RGSL1: variants seen among roughly 807,000 people sequenced by gnomAD.
RGSL1 encodes regulator of G protein signaling protein-like.
In RGSL1, 97 loss-of-function variants were observed where a neutral mutation model predicts 124.7. The ratio of observed to expected loss-of-function variants is 0.78; its 90% CI spans 0.66 to 0.92. The LOEUF is 0.92. Among genes scored for constraint, RGSL1 ranks in the 40% least tolerant of loss-of-function variants. RGSL1 has a pLI of 0.00. For missense variants in RGSL1, 1,233 were observed against 1,288.4 expected (o/e 0.96, Z 0.66); for synonymous variants, 424 against 438.1 (o/e 0.97, Z 0.40).
At chr1:182,518,465 T>G (rs2102225901) in intron 9 of RGSL1, among the ~76,000 whole-genome samples, 1 of 152,238 alleles carries the variant, frequency 6.6e-6, no homozygotes, top group Non-Finnish European at 1.5e-5. Context: ...ATCACTCTGA[T>G]TTGACGTCTC....
intron 21 of RGSL1, among the ~76,000 whole-genome samples, chr1:182,557,827 T>C (rs1660949853): frequency 6.6e-6 from 1 of 152,224 alleles, no homozygotes; most frequent in African/African-American, 2.4e-5. Flanking sequence ...CATGCTCCCT[T>C]CAAAGATCCC....
At chr1:182,452,456 CT>C (rs1210477540) in intron 1 of RGSL1, among the ~76,000 whole-genome samples, 328 of 142,040 alleles carry the variant, frequency 2.3e-3, no homozygotes, top group South Asian at 2.7e-3. Flanking sequence ...TCTGGGTTTC[CT>C]TTTTTTTTTT....
chr1:182,448,409 A>G (rs899265471), upstream of RGSL1: 1 of 152,130 alleles, frequency 6.6e-6, no homozygotes, highest in African/African-American at 2.4e-5. Flanking sequence ...TTTTTAGTAG[A>G]GAAGGGGTTT....
intron 4 of RGSL1, among the ~76,000 whole-genome samples, chr1:182,470,432 T>A (rs916980503): frequency 3.9e-5 from 6 of 152,086 alleles, no homozygotes; most frequent in Non-Finnish European, 8.8e-5. Flanking sequence ...TCCTCAAACA[T>A]GCTGGACACA....
At chr1:182,524,056 A>G (rs1397904622) in intron 10 of RGSL1, among the ~76,000 whole-genome samples, 1 of 152,234 alleles carries the variant, frequency 6.6e-6, no homozygotes. Context: ...CATAATATTC[A>G]AAGACTTAAA....
intron 1 of RGSL1, among the ~76,000 whole-genome samples, chr1:182,450,787 T>C (rs1302439194): frequency 6.6e-6 from 1 of 152,168 alleles, no homozygotes; most frequent in South Asian, 2.1e-4. Context: ...ATGGGCTCAG[T>C]AATATACTCA....
In RGSL1 at chr1:182,473,987, G is replaced by A; in HGVS notation, c.876G>A (p.Met292Ile). Residue 292 changes from methionine to isoleucine, a missense_variant, in exon 6 of 22, where the codon ATG becomes ATA. By Grantham distance (10) the Met-to-Ile change is conservative. Coordinates refer to ENST00000294854, the MANE Select transcript of RGSL1 (RefSeq NM_001137669.2). Reference protein sequence around the residue: ...TCPQEKVVIQMPSLKMASSKE... With the variant: ...TCPQEKVVIQIPSLKMASSKE... ...CTCAAGAGAAGGTGGTTATACAAAT[G>A]CCTTCCCTGAAAATGGCTTCTTCAA... 1 of 1,551,884 alleles carries A rather than the reference G, an allele frequency of 6.4e-7. No individual in the cohort carries two copies. Among genetic ancestry groups the A allele is most frequent in the Non-Finnish European group, 8.7e-7 (1 of 1,147,014 alleles).
intron 9 of RGSL1, among the ~76,000 whole-genome samples, chr1:182,513,476 A>G (rs568022100): frequency 6.6e-6 from 1 of 152,364 alleles, no homozygotes; most frequent in East Asian, 1.9e-4. Flanking sequence ...ATATACTAAC[A>G]ATTTGCACCC....
chr1:182,545,884 A>C (rs1398942701), intron 15 of RGSL1, among the ~76,000 whole-genome samples: 1 of 152,080 alleles, frequency 6.6e-6, no homozygotes, highest in Non-Finnish European at 1.5e-5. Context: ...TTACTATAAT[A>C]CTTGGGGTAG....
At position 182,527,542 on chromosome 1, in the gene RGSL1, C is replaced by T. The variant is rs1416137063; in HGVS notation, c.1932-37C>T. Reference sequence around the variant, plus strand: ...TGAAACAGAATCCAGAATCATCATTCCTTTCTCTCTACCAAAGATGCTTTC... The same window carrying T: ...TGAAACAGAATCCAGAATCATCATTTCTTTCTCTCTACCAAAGATGCTTTC... On this transcript the variant is annotated intron_variant, in intron 10 of 21. Coordinates refer to ENST00000294854, the MANE Select transcript of RGSL1 (RefSeq NM_001137669.2). 24 of 1,495,538 alleles carry T rather than the reference C, an allele frequency of 1.6e-5. No homozygotes were observed. The East Asian group carries it at 5.7e-4, about 35-fold the overall frequency. The allele number at this position is 1,495,538 out of a possible 1,614,324, so 92.6% of individuals were successfully genotyped here.
intron 6 of RGSL1, among the ~76,000 whole-genome samples, chr1:182,478,372 C>A (rs1468096801): frequency 6.6e-6 from 1 of 151,922 alleles, no homozygotes; most frequent in Admixed American, 6.6e-5. Context: ...ATGAAAGAGC[C>A]AAATAGAAAT....
rs1215005111 is a variant in RGSL1, at chr1:182,474,329, G to T, written c.1218G>T (p.Leu406Phe). The T allele has an allele frequency of 6.4e-7, 1 of 1,551,842 alleles. No individual in the cohort carries two copies. The highest frequency in any genetic ancestry group is 8.7e-7 in the Non-Finnish European group (1 of 1,147,004). ...EIQLLDLWQD[L>F]QHFLSVLLNN... ...AACTTCTTGACCTCTGGCAGGACTT[G>T]CAGCATTTCCTCAGTGTCCTTCTGA... The change falls in exon 6 of 22, where the codon TTG (leucine) becomes TTT (phenylalanine). Residue 406 changes from leucine to phenylalanine, a missense_variant. Leu to Phe is a conservative substitution (Grantham distance 22). Coordinates refer to ENST00000294854, the MANE Select transcript of RGSL1 (RefSeq NM_001137669.2).
At chr1:182,455,439 G>A (rs187344783) in intron 2 of RGSL1, among the ~76,000 whole-genome samples, 45 of 152,094 alleles carry the variant, frequency 3.0e-4, no homozygotes, top group African/African-American at 8.2e-4. Context: ...AAAATTAGCC[G>A]GGCGTGGTGG....
At chr1:182,548,608 G>A in intron 16 of RGSL1, 92 bp from the exon 17 acceptor site, 1 of 1,522,600 alleles carries the variant, frequency 6.6e-7, no homozygotes, top group Non-Finnish European at 8.8e-7. Flanking sequence ...GCCTTTTGGA[G>A]AGGGGGTGGT....
At position 182,553,557 on chromosome 1, in the gene RGSL1, A is replaced by G; in HGVS notation, c.3130+16A>G. On this transcript the variant is annotated intron_variant, in intron 19 of 21. Transcript: ENST00000294854. ...GTTCAAAATTGTGAGTTGGAATTGG[A>G]TCCCCACTGATAGTTTGCTACTCAA... 1 of 1,549,112 alleles carries G rather than the reference A, an allele frequency of 6.5e-7. No homozygotes were observed. Among genetic ancestry groups the G allele is most frequent in the Non-Finnish European group, 8.7e-7 (1 of 1,144,694 alleles).
chr1:182,451,584 T>G (rs972608770), intron 1 of RGSL1, among the ~76,000 whole-genome samples: 6 of 147,546 alleles, frequency 4.1e-5, no homozygotes, highest in Middle Eastern at 3.2e-3. Flanking sequence ...TGCCTTGGCT[T>G]AGCTTGCAAA....
chr1:182,530,642 T>A, intron 12 of RGSL1, 148 bp from the exon 13 acceptor site: 1 of 917,952 alleles, frequency 1.1e-6, no homozygotes. Flanking sequence ...AAAGGTCTGA[T>A]AGAGTAAGAA....
intron 9 of RGSL1, among the ~76,000 whole-genome samples, chr1:182,498,012 C>T (rs1354793486): frequency 1.3e-5 from 2 of 152,070 alleles, no homozygotes; most frequent in African/African-American, 2.4e-5. Context: ...CATCGATCTT[C>T]CCTTTGATCA....
chr1:182,556,184 G>T lies in RGSL1; in HGVS notation c.*127G>T. 1 of 901,552 alleles carries T rather than the reference G, an allele frequency of 1.1e-6. No individual in the cohort carries two copies. The highest frequency in any genetic ancestry group is 1.7e-6 in the Non-Finnish European group (1 of 588,032). The allele number at this position is 901,552 out of a possible 1,614,324, so 55.8% of individuals were successfully genotyped here. A position where few individuals can be genotyped will look rare whatever the true frequency, so the allele number is the denominator to read the frequency against. On this transcript the variant is annotated 3_prime_UTR_variant, in exon 21 of 22. Coordinates refer to ENST00000294854, the MANE Select transcript of RGSL1 (RefSeq NM_001137669.2). ...CCAGAAACGATCAAGAAGGGCAATG[G>T]GTTGACAGCCCAGATATGGCAGGAC...
Sources: allele counts gnomAD v4.1 joint callset (sites outside exome capture counted in the v4.1 genomes callset), GRCh38; gene constraint gnomAD v4.1.1; transcripts MANE v1.5; gene names NCBI Gene and HGNC (gene_info 2026-07-23, HGNC 2026-07-21).